The following SLC27A1 variants were observed in gnomAD, a reference collection of about 807,000 sequenced individuals.
SLC27A1 encodes long-chain fatty acid transport protein 1.
SLC27A1 carries 61 observed loss-of-function variants against 62.2 expected under a neutral mutation model. That is an observed-to-expected ratio of 0.98 (90% CI 0.80 to 1.21). SLC27A1 has a LOEUF of 1.21. SLC27A1 is among the 50% of genes most tolerant of loss of function. The pLI is 0.00. For missense variants in SLC27A1, 903 were observed against 932.1 expected (o/e 0.97, Z 0.41); for synonymous variants, 435 against 408.6 (o/e 1.06, Z -0.78).
At chr19:17,493,479 A>G (rs973394927) in intron 6 of SLC27A1, among the ~76,000 whole-genome samples, 1 of 151,396 alleles carries the variant, frequency 6.6e-6, no homozygotes, top group Admixed American at 6.6e-5. Context: ...GTGATGTTTA[A>G]TAAGGACACA....
At chr19:17,490,741 A>T (rs1018209779) in intron 6 of SLC27A1, among the ~76,000 whole-genome samples, 1 of 152,070 alleles carries the variant, frequency 6.6e-6, no homozygotes, top group Non-Finnish European at 1.5e-5. Context: ...TAAAGTGAAA[A>T]ATTTGGCCAG....
intron 7 of SLC27A1, chr19:17,498,776 T>C (rs1489862717): frequency 3.7e-5 from 6 of 160,064 alleles, no homozygotes; most frequent in Admixed American, 6.5e-5. Context: ...TCATCTCCAA[T>C]GATAGGTAAG....
At chr19:17,469,281 G>A (rs191078546), upstream of SLC27A1, among the ~76,000 whole-genome samples, 20 of 152,230 alleles carry the variant, frequency 1.3e-4, no homozygotes, top group East Asian at 3.5e-3. Context: ...GACTTCTGAG[G>A]CCCCAATGGT....
Position 17,470,534 on chromosome 19 carries a change from C to A in SLC27A1, c.-7C>A, listed in dbSNP as rs990967957. On this transcript the variant is annotated 5_prime_UTR_variant, in exon 1 of 12. Transcript: ENST00000252595. ...CCCGCGGCCTCAGCTCTCTCTGCTTCCCCAGGATGCGGGCTCCGGGTGCGG... is the reference window on the plus strand; with the variant it reads ...CCCGCGGCCTCAGCTCTCTCTGCTTACCCAGGATGCGGGCTCCGGGTGCGG... 15 of 1,546,312 alleles carry A rather than the reference C, an allele frequency of 9.7e-6. No individual in the cohort carries two copies. In the African/African-American group the frequency reaches 1.8e-4, roughly 19 times the overall value.
intron 10 of SLC27A1, 126 bp from the exon 11 acceptor site, chr19:17,501,147 A>G: frequency 7.2e-7 from 1 of 1,388,264 alleles, no homozygotes; most frequent in Non-Finnish European, 9.7e-7. Flanking sequence ...CTGCTTCCAT[A>G]AATGTCATCC....
rs386388659 is a variant in SLC27A1, at chr19:17,485,191, C to CTTTTTTT, written c.168-1360_168-1354dup. Among the ~76,000 whole-genome samples the CTTTTTTT allele has an allele frequency of 4.6e-4, 48 of 104,982 alleles. 2 individuals are homozygous for CTTTTTTT. Among genetic ancestry groups the CTTTTTTT allele is most frequent in the East Asian group, 2.4e-3 (10 of 4,192 alleles). 68.9% of individuals were successfully genotyped at this position (104,982 alleles called of 152,430 possible). A position where few individuals can be genotyped will look rare whatever the true frequency, so the allele number is the denominator to read the frequency against. On this transcript the variant is annotated intron_variant, in intron 1 of 11. Transcript: ENST00000252595. ...TTCCTTTCCATTTCCTTTTTGTTTC[C>CTTTTTTT]TTTTTTTTTTTTTTTTTTGATGGAG...
In SLC27A1 at chr19:17,486,800, G is replaced by C; in HGVS notation, c.405G>C (p.Leu135=). The change falls in exon 2 of 12, where the codon CTG becomes CTC. Residue 135 remains leucine, a synonymous_variant. Coordinates refer to ENST00000252595, the MANE Select transcript of SLC27A1 (RefSeq NM_198580.3). This position sits in a 1 kb window ranked among gnomAD's most constrained non-coding sequence, Gnocchi z 6.6. ...CGGGCGACGTGGTGGCCATCTTCCT[G>C]GAGGGCCGGCCGGAGTTCGTGGGGC... ...FAPGDVVAIF[L]EGRPEFVGLW... is the part of the protein sequence containing the mutation. The C allele has an allele frequency of 6.3e-7, 1 of 1,599,746 alleles. No homozygotes were observed. Among genetic ancestry groups the C allele is most frequent in the Non-Finnish European group, 8.5e-7 (1 of 1,174,500 alleles).
chr19:17,497,563 G>C, intron 7 of SLC27A1, 99 bp downstream of exon 7: 1 of 1,122,414 alleles, frequency 8.9e-7, no homozygotes, highest in Non-Finnish European at 1.3e-6. Context: ...AGCCTGGACT[G>C]GCGCGGAAGG....
chr19:17,489,110 A>G lies in SLC27A1; in HGVS notation c.989A>G (p.Asn330Ser). The change falls in exon 6 of 12, where the codon AAC (asparagine) becomes AGC (serine). Residue 330 changes from asparagine to serine, a missense_variant. Transcript: ENST00000252595. ...TTCTGGGACGACTGCATCAAGTACA[A>G]CTGCACGGTCAGGCCCTGCCCTGTT... ...SRFWDDCIKY[N>S]CTVVQYIGEI... is the part of the protein sequence containing the mutation. 1 of 1,613,982 alleles carries G rather than the reference A, an allele frequency of 6.2e-7. No homozygotes were observed. The highest frequency in any genetic ancestry group is 8.5e-7 in the Non-Finnish European group (1 of 1,179,932).
Position 17,486,521 on chromosome 19 carries a change from G to A in SLC27A1, c.168-42G>A, listed in dbSNP as rs991737216. 2.6e-6 allele frequency: 4 copies of A among 1,523,586 alleles called. No homozygotes were observed. The highest frequency in any genetic ancestry group is 2.4e-5 in the South Asian group (2 of 82,928). The allele number at this position is 1,523,586 out of a possible 1,614,324, so 94.4% of individuals were successfully genotyped here. ...CTGAGGCTCCCAGAGGCCAGGCGGG[G>A]CAGGGCACCAGTGACGCTGTCCCCT... On this transcript the variant is annotated intron_variant, in intron 1 of 11. Transcript: ENST00000252595. The surrounding 1 kb of genome is among the most constrained non-coding windows in gnomAD (Gnocchi z 6.6).
At chr19:17,500,091 G>A (rs1057196261) in intron 7 of SLC27A1, 187 bp from the exon 8 acceptor site, 5 of 860,666 alleles carry the variant, frequency 5.8e-6, no homozygotes, top group Non-Finnish European at 8.7e-6. Context: ...GGCTGGGAAG[G>A]TGGGAGGAGG....
intron 6 of SLC27A1, chr19:17,496,987 C>T: frequency 5.0e-6 from 2 of 401,818 alleles, no homozygotes; most frequent in South Asian, 3.7e-5. Context: ...CATGCCACTG[C>T]ACTCCAGCCT....
intron 1 of SLC27A1, among the ~76,000 whole-genome samples, chr19:17,478,769 A>G (rs991196645): frequency 6.6e-6 from 1 of 152,084 alleles, no homozygotes; most frequent in Admixed American, 6.6e-5. Flanking sequence ...AGGTGGGAGG[A>G]TTGCTTGAGC....
intron 6 of SLC27A1, among the ~76,000 whole-genome samples, chr19:17,490,300 C>T (rs556879698): frequency 6.6e-6 from 1 of 152,024 alleles, no homozygotes; most frequent in Admixed American, 6.6e-5. Context: ...TACAGGTGCG[C>T]ACCACCACGC....
intron 11 of SLC27A1, 140 bp downstream of exon 11, chr19:17,501,559 T>C: frequency 3.4e-6 from 4 of 1,181,268 alleles, no homozygotes; most frequent in Non-Finnish European, 4.7e-6. Flanking sequence ...ATCCCAGCAC[T>C]TTGGGAGGCC....
chr19:17,470,715 T>C lies in SLC27A1; in HGVS notation c.167+8T>C. 6.4e-7 allele frequency: 1 copy of C among 1,570,630 alleles called. No individual in the cohort carries two copies. Among genetic ancestry groups the C allele is most frequent in the South Asian group, 1.1e-5 (1 of 87,140 alleles). The stretch of plus-strand genomic sequence containing the variant: ...CGCGAGGCGAGACCTCTTGTGAGTG[T>C]TGCCGGGATCCGTCCAGGGCTGGGG... On this transcript the variant is annotated splice_region_variant and intron_variant, in intron 1 of 11. Coordinates refer to ENST00000252595, the MANE Select transcript of SLC27A1 (RefSeq NM_198580.3).
chr19:17,488,067 C>T (rs375528285), intron 4 of SLC27A1, among the ~76,000 whole-genome samples: 2 of 152,176 alleles, frequency 1.3e-5, no homozygotes, highest in Non-Finnish European at 2.9e-5. Context: ...CAGAATAAAA[C>T]CCTCTCTCGG....
intron 1 of SLC27A1, among the ~76,000 whole-genome samples, chr19:17,483,113 TGAGGGAATGAATGAACAAAG>T (rs1409522124): frequency 6.6e-6 from 1 of 151,642 alleles, no homozygotes; most frequent in Non-Finnish European, 1.5e-5. Flanking sequence ...AATGAGGGAA[TGAGGGAATGAATGAACAAAG>T]GAGGGAATGA....
intron 1 of SLC27A1, among the ~76,000 whole-genome samples, chr19:17,483,663 C>A (rs2075201611): frequency 6.6e-6 from 1 of 152,094 alleles, no homozygotes; most frequent in Non-Finnish European, 1.5e-5. Context: ...CCATGGCTTT[C>A]ATTGTGAACC....
Sources: allele counts gnomAD v4.1 joint callset (sites outside exome capture counted in the v4.1 genomes callset), GRCh38; gene constraint gnomAD v4.1.1; non-coding constraint Gnocchi (gnomAD v3.1); transcripts MANE v1.5; gene names NCBI Gene and HGNC (gene_info 2026-07-23, HGNC 2026-07-21).